GRID1: variants seen among roughly 807,000 people sequenced by gnomAD.
The protein encoded by GRID1 is glutamate receptor ionotropic, delta-1.
A neutral mutation model predicts 98.0 loss-of-function variants in GRID1; 28 were observed. The observed-to-expected ratio is 0.29, with a 90% CI of 0.21 to 0.39. The LOEUF (loss-of-function observed/expected upper bound fraction) is 0.39, where lower values mean the gene tolerates loss of function less well. Among genes scored for constraint, GRID1 ranks in the 10% least tolerant of loss-of-function variants. The pLI is 1.00. For synonymous variants in GRID1, 553 were observed against 538.5 expected (o/e 1.03, Z -0.37); for missense variants, 1,111 against 1,340.5 (o/e 0.83, Z 2.67).
rs144516994 is a variant in GRID1 at position 85,856,754 on chromosome 10, A to G, written c.952-564T>C. Among the ~76,000 whole-genome samples, 4 of 152,354 alleles carry G rather than the reference A, an allele frequency of 2.6e-5. No individual in the cohort carries two copies. The East Asian group carries it at 7.7e-4, about 29-fold the overall frequency. On this transcript the variant is annotated intron_variant, in intron 6 of 15. Coordinates refer to ENST00000327946, the MANE Select transcript of GRID1 (RefSeq NM_017551.3). Reference sequence around the variant, plus strand: ...AAACATATGGGTGCTGCCATGTGCAATAAAACATTATTTTCCAAAAGAGGC... The same window carrying G: ...AAACATATGGGTGCTGCCATGTGCAGTAAAACATTATTTTCCAAAAGAGGC...
chr10:86,196,014 T>G (rs1326805326), intron 3 of GRID1, among the ~76,000 whole-genome samples: 1 of 152,082 alleles, frequency 6.6e-6, no homozygotes, highest in Non-Finnish European at 1.5e-5. Context: ...AGCACATGCC[T>G]CACATCAGAA....
intron 2 of GRID1, among the ~76,000 whole-genome samples, chr10:86,341,266 G>C (rs1351594711): frequency 6.6e-6 from 1 of 152,126 alleles, no homozygotes; most frequent in African/African-American, 2.4e-5. Flanking sequence ...AGTGCTTCTA[G>C]AGATAGCAAG....
intron 8 of GRID1, among the ~76,000 whole-genome samples, chr10:85,833,873 T>C (rs984224941): frequency 6.6e-6 from 1 of 152,120 alleles, no homozygotes; most frequent in African/African-American, 2.4e-5. Flanking sequence ...AGTGTTTAGA[T>C]AATAGAGGAT....
At chr10:85,795,458 AT>A (rs1381181173) in intron 8 of GRID1, among the ~76,000 whole-genome samples, 1 of 152,212 alleles carries the variant, frequency 6.6e-6, no homozygotes, top group Non-Finnish European at 1.5e-5. Flanking sequence ...CTCAGAAGCC[AT>A]TTAGTAAACA....
chr10:86,099,356 G>T (rs942670884), intron 4 of GRID1, among the ~76,000 whole-genome samples: 11 of 152,172 alleles, frequency 7.2e-5, no homozygotes, highest in African/African-American at 2.7e-4. Flanking sequence ...CAAGCATCCT[G>T]ATGAGCACTG....
At chr10:85,934,718 G>A (rs919755162) in intron 4 of GRID1, among the ~76,000 whole-genome samples, 2 of 152,080 alleles carry the variant, frequency 1.3e-5, no homozygotes, top group African/African-American at 4.8e-5. Context: ...AGTATGAAAA[G>A]GGCAAGGAGA....
chr10:86,179,970 G>C (rs1244624907), intron 3 of GRID1, among the ~76,000 whole-genome samples: 1 of 152,206 alleles, frequency 6.6e-6, no homozygotes. Flanking sequence ...AGTCCAGAAA[G>C]ACGCAGAAGG....
chr10:85,654,250 G>T (rs1840867664), intron 12 of GRID1, among the ~76,000 whole-genome samples: 1 of 151,972 alleles, frequency 6.6e-6, no homozygotes, highest in South Asian at 2.1e-4. Flanking sequence ...TTCTTCAATT[G>T]CTATTGAAAT....
chr10:85,788,697 T>C (rs1045135578), intron 8 of GRID1, among the ~76,000 whole-genome samples: 4 of 152,258 alleles, frequency 2.6e-5, no homozygotes, highest in Non-Finnish European at 4.4e-5. Flanking sequence ...AAATGGGACC[T>C]GTTTGCCTCC....
intron 12 of GRID1, among the ~76,000 whole-genome samples, chr10:85,718,256 G>T (rs890301850): frequency 6.6e-6 from 1 of 152,186 alleles, no homozygotes; most frequent in Non-Finnish European, 1.5e-5. Context: ...CTCCATGAGG[G>T]CCTCGCTTCT....
chr10:86,285,758 C>T (rs1847422238), intron 2 of GRID1, among the ~76,000 whole-genome samples: 1 of 152,134 alleles, frequency 6.6e-6, no homozygotes, highest in Admixed American at 6.5e-5. Context: ...AGAAATAGGT[C>T]AAGGCATAGA....
intron 12 of GRID1, among the ~76,000 whole-genome samples, chr10:85,669,078 G>A (rs1268434834): frequency 6.6e-6 from 1 of 152,222 alleles, no homozygotes; most frequent in Non-Finnish European, 1.5e-5. Context: ...GCTAATCACA[G>A]GGTTCCCCAT....
chr10:86,171,137 G>T (rs1176212758), intron 3 of GRID1, among the ~76,000 whole-genome samples: 2 of 152,100 alleles, frequency 1.3e-5, no homozygotes, highest in African/African-American at 4.8e-5. Flanking sequence ...TGTATTTTTC[G>T]AAACTTCCCA....
intron 4 of GRID1, among the ~76,000 whole-genome samples, chr10:85,949,618 C>A (rs1005289278): frequency 6.6e-6 from 1 of 152,112 alleles, no homozygotes; most frequent in African/African-American, 2.4e-5. Context: ...TGAGCACAAT[C>A]TTTACATCAA....
chr10:86,088,306 G>A (rs770475053), intron 4 of GRID1, among the ~76,000 whole-genome samples: 7 of 152,176 alleles, frequency 4.6e-5, no homozygotes, highest in Non-Finnish European at 7.3e-5. Flanking sequence ...GAGAGGGAGA[G>A]GGATAGAGAG....
intron 4 of GRID1, among the ~76,000 whole-genome samples, chr10:86,120,739 ATAAATAT>A (rs1224537823): frequency 1.3e-5 from 2 of 152,236 alleles, no homozygotes; most frequent in Non-Finnish European, 2.9e-5. Context: ...CAGTTTGGAC[ATAAATAT>A]TAAATATCAC....
rs563270609 is a variant in GRID1 at position 86,237,471 on chromosome 10, C to T, written c.236-30823G>A. ...ATCCCAACACTTTTGGAGGCCAAGGCGGGTGGATCACGAGGTCAGGAGTTC... is the reference window on the plus strand; with the variant it reads ...ATCCCAACACTTTTGGAGGCCAAGGTGGGTGGATCACGAGGTCAGGAGTTC... On this transcript the variant is annotated intron_variant, in intron 2 of 15. Coordinates refer to ENST00000327946, the MANE Select transcript of GRID1 (RefSeq NM_017551.3). Among the ~76,000 whole-genome samples the T allele has an allele frequency of 1.4e-4, 21 of 152,222 alleles. No homozygotes were observed. The East Asian group carries it at 2.7e-3, about 20-fold the overall frequency.
intron 4 of GRID1, among the ~76,000 whole-genome samples, chr10:86,094,045 G>C (rs1844186106): frequency 6.6e-6 from 1 of 152,146 alleles, no homozygotes; most frequent in Non-Finnish European, 1.5e-5. Flanking sequence ...TTTAACATAT[G>C]CAAGTCAATA....
intron 2 of GRID1, among the ~76,000 whole-genome samples, chr10:86,286,749 G>A (rs904041249): frequency 2.0e-5 from 3 of 152,322 alleles, no homozygotes; most frequent in Admixed American, 1.3e-4. Context: ...GGACAACAAC[G>A]GTACCTACCC....
Sources: allele counts gnomAD v4.1 joint callset (sites outside exome capture counted in the v4.1 genomes callset), GRCh38; gene constraint gnomAD v4.1.1; transcripts MANE v1.5; gene names NCBI Gene and HGNC (gene_info 2026-07-23, HGNC 2026-07-21).